DYNC1H1: variants seen among roughly 807,000 people sequenced by gnomAD.
DYNC1H1 encodes dynein cytoplasmic 1 heavy chain 1.
Under a neutral mutation model 527.1 loss-of-function variants are expected in DYNC1H1, and 51 were observed. The ratio of observed to expected loss-of-function variants is 0.10; its 90% CI spans 0.08 to 0.12. The LOEUF is 0.12. DYNC1H1 is among the 10% of genes least tolerant of loss of function. The probability of loss-of-function intolerance (pLI) is 1.00; values close to 1 mark genes in which losing one functional copy is unlikely to be tolerated. For synonymous variants in DYNC1H1, 2,189 were observed against 2,278.8 expected (o/e 0.96, Z 1.12); for missense variants, 2,771 against 5,971.8 (o/e 0.46, Z 17.66).
intron 74 of DYNC1H1, 105 bp downstream of exon 74, chr14:102,048,774 C>T: frequency 7.8e-7 from 1 of 1,283,246 alleles, no homozygotes; most frequent in Non-Finnish European, 1.0e-6. Context: ...GCCAGGCCTG[C>T]AGGAGCTTCC....
intron 1 of DYNC1H1, among the ~76,000 whole-genome samples, chr14:101,973,332 T>A (rs1470552208): frequency 2.6e-5 from 4 of 152,178 alleles, no homozygotes; most frequent in South Asian, 4.2e-4. Context: ...CTAATTTTTT[T>A]AATTTTTAGT....
Position 102,029,642 on chromosome 14 carries a change from G to T in DYNC1H1, c.9572G>T (p.Arg3191Leu). The T allele has an allele frequency of 6.2e-7, 1 of 1,614,200 alleles. No homozygotes were observed. The highest frequency in any genetic ancestry group is 1.1e-5 in the South Asian group (1 of 91,084). Residue 3191 changes from arginine (R) to leucine (L), a missense_variant, in exon 49 of 78, where the codon CGG (arginine) becomes CTG (leucine). Arg to Leu is a moderately radical substitution (Grantham distance 102). Around this residue, in one of 32 missense-constraint regions of DYNC1H1, gnomAD observed 67 missense variants for 128.2 expected, o/e 0.52. Transcript: ENST00000360184. This position sits in a 1 kb window ranked among gnomAD's most constrained non-coding sequence, Gnocchi z 5.3. ...NHYANLFHEK[R>L]SELEEQQMHL... Reference sequence around the variant, plus strand: ...TATGCCAACCTGTTCCACGAGAAGCGGAGCGAGCTGGAGGAGCAGCAGATG... The same window carrying T: ...TATGCCAACCTGTTCCACGAGAAGCTGAGCGAGCTGGAGGAGCAGCAGATG...
Position 102,040,284 on chromosome 14 carries a change from G to A in DYNC1H1, c.11739G>A (p.Glu3913=). ...AEFQHFLRGN[E]IVLSAGSTPR... is the part of the protein sequence containing the mutation. The stretch of plus-strand genomic sequence containing the variant: ...TCCAGCACTTCTTGAGAGGAAATGA[G>A]ATTGTCCTGAGTGCTGGCTCCACCC... The change falls in exon 63 of 78, where the codon GAG becomes GAA. Residue 3913 remains glutamate (E), a synonymous_variant. Coordinates refer to ENST00000360184, the MANE Select transcript of DYNC1H1 (RefSeq NM_001376.5). The A allele has an allele frequency of 6.2e-7, 1 of 1,614,190 alleles. No individual in the cohort carries two copies. Among genetic ancestry groups the A allele is most frequent in the South Asian group, 1.1e-5 (1 of 91,084 alleles).
intron 1 of DYNC1H1, 107 bp from the exon 2 acceptor site, chr14:101,975,605 G>T: frequency 1.0e-6 from 1 of 1,002,878 alleles, no homozygotes; most frequent in Non-Finnish European, 1.6e-6. Flanking sequence ...TGTAGGTGTC[G>T]ATATGTCAGG....
chr14:102,040,533 C>T, intron 63 of DYNC1H1, 65 bp from the exon 64 acceptor site: 5 of 1,611,960 alleles, frequency 3.1e-6, no homozygotes, highest in African/African-American at 1.3e-5. Context: ...GACTCTCGCT[C>T]AGTCGTGGGT....
rs942440147 is a variant in DYNC1H1 at position 102,044,063 on chromosome 14, C to T, written c.12684+18C>T. On this transcript the variant is annotated intron_variant, in intron 70 of 77. Transcript: ENST00000360184. The surrounding 1 kb of genome is among the most constrained non-coding windows in gnomAD (Gnocchi z 7.1). Reference sequence around the variant, plus strand: ...CGGCCAAGGCAAGTGTGGGCCATGCCAGGACAGACAGTGGACGTGTATCTG... The same window carrying T: ...CGGCCAAGGCAAGTGTGGGCCATGCTAGGACAGACAGTGGACGTGTATCTG... 1.2e-6 allele frequency: 2 copies of T among 1,612,762 alleles called. No individual in the cohort carries two copies. Among genetic ancestry groups the T allele is most frequent in the African/African-American group, 1.3e-5 (1 of 74,916 alleles).
chr14:101,979,646 C>G lies in DYNC1H1; in HGVS notation c.519-73C>G. 6.2e-7 allele frequency: 1 copy of G among 1,610,424 alleles called. No homozygotes were observed. The highest frequency in any genetic ancestry group is 8.5e-7 in the Non-Finnish European group (1 of 1,178,612). ...AAATATGTGTGTCATTACTATTTGA[C>G]AGACCTGAAATGATGGGATCTCTTT... On this transcript the variant is annotated intron_variant, in intron 3 of 77. Coordinates refer to ENST00000360184, the MANE Select transcript of DYNC1H1 (RefSeq NM_001376.5). This position sits in a 1 kb window ranked among gnomAD's most constrained non-coding sequence, Gnocchi z 4.6.
rs1181434652 is a variant in DYNC1H1, at chr14:101,986,582, G to A, written c.2357G>A (p.Arg786His). The change falls in exon 8 of 78, where the codon CGT becomes CAT. Residue 786 changes from arginine (R) to histidine (H), a missense_variant. Coordinates refer to ENST00000360184, the MANE Select transcript of DYNC1H1 (RefSeq NM_001376.5). The surrounding 1 kb of genome is among the most constrained non-coding windows in gnomAD (Gnocchi z 8.7). ...PFAISLIESV[R>H]TYERTCEKVE... ...GCCATCTCACTGATCGAGAGCGTTCGTACCTATGAACGGACCTGCGAGAAG... is the reference window on the plus strand; with the variant it reads ...GCCATCTCACTGATCGAGAGCGTTCATACCTATGAACGGACCTGCGAGAAG... 5.0e-6 allele frequency: 8 copies of A among 1,613,968 alleles called. No individual in the cohort carries two copies. Among genetic ancestry groups the A allele is most frequent in the African/African-American group, 2.7e-5 (2 of 74,878 alleles).
Position 102,040,627 on chromosome 14 carries a change from C to T in DYNC1H1, c.11895C>T (p.Ser3965=). The T allele has an allele frequency of 1.2e-6, 2 of 1,614,178 alleles. No homozygotes were observed. Among genetic ancestry groups the T allele is most frequent in the Admixed American group, 1.7e-5 (1 of 60,022 alleles). Residue 3965 remains serine, a synonymous_variant, in exon 64 of 78, where the codon TCC becomes TCT. Transcript: ENST00000360184. ...TTGGCATCTGGCTGGACAGCAGCTC[C>T]CCGGAGCAGACTGTGCCCTACCTCT... ...EQFGIWLDSS[S]PEQTVPYLWS... is the part of the protein sequence containing the mutation.
Position 102,027,022 on chromosome 14 carries a change from C to T in DYNC1H1, c.8772-152C>T. The T allele has an allele frequency of 2.0e-6, 2 of 983,064 alleles. No individual in the cohort carries two copies. Among genetic ancestry groups the T allele is most frequent in the Non-Finnish European group, 3.2e-6 (2 of 617,158 alleles). The allele number at this position is 983,064 out of a possible 1,614,324, so 60.9% of individuals were successfully genotyped here. A position where few individuals can be genotyped will look rare whatever the true frequency, so the allele number is the denominator to read the frequency against. ...GTGTCTTACTGGTCTTTGCATTCCTCCTGGACTTCACAAATAACAGTTGCT... is the reference window on the plus strand; with the variant it reads ...GTGTCTTACTGGTCTTTGCATTCCTTCTGGACTTCACAAATAACAGTTGCT... On this transcript the variant is annotated intron_variant, in intron 44 of 77. Transcript: ENST00000360184. The surrounding 1 kb of genome is among the most constrained non-coding windows in gnomAD (Gnocchi z 7.7).
chr14:102,047,987 C>G lies in DYNC1H1; in HGVS notation c.13177C>G (p.Gln4393Glu), dbSNP rs910411090. ...TASNWLHLIPQTLSHLKRTVE... is the reference protein window; with the variant it reads ...TASNWLHLIPETLSHLKRTVE... ...GTCCAACTGGCTGCACCTCATCCCC[C>G]AGACGCTGAGCCACCTCAAGCGCAC... The change falls in exon 73 of 78, where the codon CAG (glutamine) becomes GAG (glutamate). Residue 4393 changes from glutamine to glutamate, a missense_variant. By Grantham distance (29) the Gln-to-Glu change is conservative. Coordinates refer to ENST00000360184, the MANE Select transcript of DYNC1H1 (RefSeq NM_001376.5). 2 of 1,612,360 alleles carry G rather than the reference C, an allele frequency of 1.2e-6. No individual in the cohort carries two copies. The highest frequency in any genetic ancestry group is 1.7e-6 in the Non-Finnish European group (2 of 1,179,996).
chr14:102,029,598 C>T lies in DYNC1H1; in HGVS notation c.9528C>T (p.Tyr3176=). The T allele has an allele frequency of 6.2e-7, 1 of 1,614,238 alleles. No homozygotes were observed. Among genetic ancestry groups the T allele is most frequent in the South Asian group, 1.1e-5 (1 of 91,090 alleles). ...GRTMAITPRH[Y]LDFINHYANL... ...CGATGGCCATCACCCCTCGCCACTA[C>T]CTGGACTTCATCAATCACTATGCCA... Residue 3176 remains tyrosine (Y), a synonymous_variant, in exon 49 of 78, where the codon TAC becomes TAT. Transcript: ENST00000360184. This position sits in a 1 kb window ranked among gnomAD's most constrained non-coding sequence, Gnocchi z 5.3.
In DYNC1H1 at chr14:102,036,781, A is replaced by C; in HGVS notation, c.10908+139A>C. On this transcript the variant is annotated intron_variant, in intron 57 of 77. Transcript: ENST00000360184. The surrounding 1 kb of genome is among the most constrained non-coding windows in gnomAD (Gnocchi z 5.6). The stretch of plus-strand genomic sequence containing the variant: ...GCTTTGCGGTGGTTCTGTAATAGAT[A>C]AATTCAACAGAATCATTATTTGCAT... 8.7e-7 allele frequency: 1 copy of C among 1,152,150 alleles called. No individual in the cohort carries two copies. Among genetic ancestry groups the C allele is most frequent in the Non-Finnish European group, 1.3e-6 (1 of 776,642 alleles). The allele number at this position is 1,152,150 out of a possible 1,614,324, so 71.4% of individuals were successfully genotyped here. A position where few individuals can be genotyped will look rare whatever the true frequency, so the allele number is the denominator to read the frequency against.
At chr14:102,013,590 G>A (rs1424153460) in intron 34 of DYNC1H1, among the ~76,000 whole-genome samples, 2 of 152,150 alleles carry the variant, frequency 1.3e-5, no homozygotes. Flanking sequence ...ACAAGTCAGG[G>A]CTGAGACTAG....
chr14:102,022,109 C>T (rs2048391212), intron 42 of DYNC1H1, among the ~76,000 whole-genome samples: 1 of 151,782 alleles, frequency 6.6e-6, no homozygotes, highest in Non-Finnish European at 1.5e-5. Flanking sequence ...GCACTTCAGC[C>T]TGGGCAACAG....
At chr14:101,971,327 G>A (rs2047736692) in intron 1 of DYNC1H1, among the ~76,000 whole-genome samples, 2 of 151,822 alleles carry the variant, frequency 1.3e-5, no homozygotes, top group Non-Finnish European at 1.5e-5. Context: ...ACCCACCTTG[G>A]CCCCTCAAAG....
chr14:102,017,923 G>A lies in DYNC1H1; in HGVS notation c.8177+419G>A, dbSNP rs573500060. 2.7e-5 allele frequency: 8 copies of A among 296,162 alleles called. No homozygotes were observed. Among genetic ancestry groups the A allele is most frequent in the East Asian group, 2.7e-4 (3 of 11,114 alleles). 18.3% of individuals were successfully genotyped at this position (296,162 alleles called of 1,614,324 possible). ...AGGTTGAGGCCATCCTGGCTAACAC[G>A]GTGAAACCCCATCTCTACTAAAAAT... On this transcript the variant is annotated intron_variant, in intron 40 of 77. Transcript: ENST00000360184. The surrounding 1 kb of genome is among the most constrained non-coding windows in gnomAD (Gnocchi z 4.6).
Position 102,019,912 on chromosome 14 carries a change from C to G in DYNC1H1, c.8363C>G (p.Thr2788Arg). ...CCATAGGAGAGATTCACCCAGGATACACAACCTCACTATATCTATTCACCC... is the reference window on the plus strand; with the variant it reads ...CCATAGGAGAGATTCACCCAGGATAGACAACCTCACTATATCTATTCACCC... ...TMSQERFTQDTQPHYIYSPRE... is the reference protein window; with the variant it reads ...TMSQERFTQDRQPHYIYSPRE... The change falls in exon 42 of 78, where the codon ACA (threonine) becomes AGA (arginine). Residue 2788 changes from threonine (T) to arginine (R), a missense_variant. By Grantham distance (71) the Thr-to-Arg change is moderately conservative. This residue lies in a region of DYNC1H1 where 163 missense variants were observed against 346.9 expected (regional missense o/e 0.47). Coordinates refer to ENST00000360184, the MANE Select transcript of DYNC1H1 (RefSeq NM_001376.5). 6.2e-7 allele frequency: 1 copy of G among 1,614,196 alleles called. No individual in the cohort carries two copies. Among genetic ancestry groups the G allele is most frequent in the East Asian group, 2.2e-5 (1 of 44,886 alleles).
Position 102,032,396 on chromosome 14 carries a change from G to A in DYNC1H1, c.10008G>A (p.Lys3336=). Residue 3336 remains lysine (K), a synonymous_variant, in exon 52 of 78, where the codon AAG becomes AAA. Transcript: ENST00000360184. The part of the protein sequence containing the change: ...LLLGESTTDW[K]QIRSIIMREN... ...TGGGGGAAAGCACCACAGACTGGAA[G>A]CAGATCCGCTCCATCATCATGCGGG... 1 of 1,614,258 alleles carries A rather than the reference G, an allele frequency of 6.2e-7. No homozygotes were observed. Among genetic ancestry groups the A allele is most frequent in the Non-Finnish European group, 8.5e-7 (1 of 1,180,052 alleles).
Sources: gnomAD v4.1 joint callset for allele counts (sites outside exome capture counted in the v4.1 genomes callset) on GRCh38, gnomAD v4.1.1 for gene constraint, gnomAD v4.1.1 regional missense constraint, Gnocchi (gnomAD v3.1) non-coding constraint, MANE v1.5 for transcripts, NCBI Gene and HGNC (gene_info 2026-07-23, HGNC 2026-07-21) for gene names.